KCMF1: variants seen among roughly 807,000 people sequenced by gnomAD.
KCMF1 encodes potassium channel modulatory factor 1, also known as E3 ubiquitin-protein ligase KCMF1.
In KCMF1, 3 loss-of-function variants were observed where a neutral mutation model predicts 41.1. The observed-to-expected ratio is 0.07, with a 90% CI of 0.03 to 0.19. KCMF1 has a LOEUF of 0.19. Ranked by LOEUF, KCMF1 falls within the 10% of genes least tolerant of loss-of-function variation. The pLI, the probability that KCMF1 is intolerant of heterozygous loss-of-function variation, is 1.00. For missense variants in KCMF1, 286 were observed against 488.9 expected (o/e 0.58, Z 3.91); for synonymous variants, 142 against 164.5 (o/e 0.86, Z 1.04).
chr2:85,014,393 A>G (rs1302323123), intron 1 of KCMF1, among the ~76,000 whole-genome samples: 1 of 152,328 alleles, frequency 6.6e-6, no homozygotes, highest in Non-Finnish European at 1.5e-5. Flanking sequence ...GCAACCCTTT[A>G]TCTTAATCAC....
At chr2:85,052,034 T>G (rs889374051) in intron 6 of KCMF1, among the ~76,000 whole-genome samples, 5 of 152,206 alleles carry the variant, frequency 3.3e-5, no homozygotes, top group Non-Finnish European at 7.4e-5. Context: ...CCAAGATAGT[T>G]GACCTTTTAG....
At chr2:85,010,429 ACT>A (rs1674624011) in intron 1 of KCMF1, among the ~76,000 whole-genome samples, 1 of 152,208 alleles carries the variant, frequency 6.6e-6, no homozygotes, top group Admixed American at 6.5e-5. Context: ...AGATTGCCTC[ACT>A]GTACTCCAGC....
At chr2:85,047,035 G>A (rs1293666219) in intron 5 of KCMF1, among the ~76,000 whole-genome samples, 1 of 152,046 alleles carries the variant, frequency 6.6e-6, no homozygotes, top group Non-Finnish European at 1.5e-5. Context: ...AGTATGTATA[G>A]GAAAAAACAT....
intron 1 of KCMF1, among the ~76,000 whole-genome samples, chr2:84,999,728 TG>T (rs1331671154): frequency 2.6e-5 from 4 of 152,212 alleles, no homozygotes; most frequent in Non-Finnish European, 5.9e-5. Flanking sequence ...GAAATAATTT[TG>T]TTTGATGTAG....
In KCMF1 at chr2:85,053,442, G is replaced by C. The variant is rs1398954121; in HGVS notation, c.*33G>C. The stretch of plus-strand genomic sequence containing the variant: ...CCAATTCGCAGACAATGTCCTCTGT[G>C]CTGTATTTGCCAATGAAAGTGGACA... On this transcript the variant is annotated 3_prime_UTR_variant, in exon 7 of 7. Transcript: ENST00000409785. The C allele has an allele frequency of 6.3e-7, 1 of 1,581,672 alleles. No homozygotes were observed. Among genetic ancestry groups the C allele is most frequent in the South Asian group, 1.2e-5 (1 of 85,762 alleles).
At chr2:85,039,577 T>A (rs1168911778) in intron 3 of KCMF1, among the ~76,000 whole-genome samples, 2 of 152,196 alleles carry the variant, frequency 1.3e-5, no homozygotes, top group Non-Finnish European at 2.9e-5. Flanking sequence ...TGTGCTATAA[T>A]GTGTCCTAAC....
At chr2:84,988,100 C>T (rs1160743339) in intron 1 of KCMF1, among the ~76,000 whole-genome samples, 2 of 151,964 alleles carry the variant, frequency 1.3e-5, no homozygotes, top group Admixed American at 6.6e-5. Context: ...GGTGTGATGG[C>T]GCATGCCTGT....
At chr2:85,008,375 G>C (rs28830538) in intron 1 of KCMF1, among the ~76,000 whole-genome samples, 10 of 27,862 alleles carry the variant, frequency 3.6e-4, no homozygotes, top group African/African-American at 7.7e-4. Flanking sequence ...TATATCATAT[G>C]ATATATTATA....
chr2:85,059,276 T>A lies in KCMF1; in HGVS notation c.*5867T>A, dbSNP rs1676009211. On this transcript the variant is annotated 3_prime_UTR_variant, in exon 7 of 7. Transcript: ENST00000409785. ...GCCCTATCGGATAGCAGCCACCATG[T>A]GTGCTGACCACTCACGATTCAGACT... The A allele has an allele frequency of 3.3e-5, 5 of 152,232 alleles. No homozygotes were observed. Among genetic ancestry groups the A allele is most frequent in the Non-Finnish European group, 5.9e-5 (4 of 68,038 alleles). The allele number at this position is 152,232 out of a possible 1,614,324, so 9.4% of individuals were successfully genotyped here. A position where few individuals can be genotyped will look rare whatever the true frequency, so the allele number is the denominator to read the frequency against.
At position 85,055,265 on chromosome 2, in the gene KCMF1, T is replaced by G. The variant is rs1675900893; in HGVS notation, c.*1856T>G. On this transcript the variant is annotated 3_prime_UTR_variant, in exon 7 of 7. Transcript: ENST00000409785. ...CTGTTGACCACTTGAATTTCTTTGG[T>G]GTTAGTGGATTAACCTAACCATTAC... 1 of 152,254 alleles carries G rather than the reference T, an allele frequency of 6.6e-6. No individual in the cohort carries two copies. Among genetic ancestry groups the G allele is most frequent in the Non-Finnish European group, 1.5e-5 (1 of 68,038 alleles). The allele number at this position is 152,254 out of a possible 1,614,324, so 9.4% of individuals were successfully genotyped here. A position where few individuals can be genotyped will look rare whatever the true frequency, so the allele number is the denominator to read the frequency against.
intron 1 of KCMF1, among the ~76,000 whole-genome samples, chr2:84,975,070 A>C (rs1673510993): frequency 6.6e-6 from 1 of 152,074 alleles, no homozygotes. Flanking sequence ...CCACCATTCA[A>C]AAATACAAAT....
At chr2:85,042,537 A>G (rs1319034087) in intron 3 of KCMF1, among the ~76,000 whole-genome samples, 3 of 152,336 alleles carry the variant, frequency 2.0e-5, no homozygotes, top group East Asian at 1.9e-4. Context: ...CACATATCCT[A>G]TCTTTAACCT....
rs1676003113 is a variant in KCMF1, at chr2:85,058,874, G to A, written c.*5465G>A. 6.6e-6 allele frequency: 1 copy of A among 152,194 alleles called. No individual in the cohort carries two copies. Among genetic ancestry groups the A allele is most frequent in the East Asian group, 1.9e-4 (1 of 5,196 alleles). 9.4% of individuals were successfully genotyped at this position (152,194 alleles called of 1,614,324 possible). A position where few individuals can be genotyped will look rare whatever the true frequency, so the allele number is the denominator to read the frequency against. On this transcript the variant is annotated 3_prime_UTR_variant, in exon 7 of 7. Coordinates refer to ENST00000409785, the MANE Select transcript of KCMF1 (RefSeq NM_020122.5). ...AAGAGATCCATATTCATTTAATAGT[G>A]AAGCCAGCCCAGAAGCATCCTCTTC...
chr2:85,024,910 A>G lies in KCMF1; in HGVS notation c.17-2979A>G, dbSNP rs376037199. Among the ~76,000 whole-genome samples, 5 of 152,200 alleles carry G rather than the reference A, an allele frequency of 3.3e-5. No homozygotes were observed. The South Asian group carries it at 6.2e-4, about 19-fold the overall frequency. ...CATCTGTTTCTGGTCTTTCCGTTCT[A>G]TTCCATGGGCCAGTTTGTCTCTACC... On this transcript the variant is annotated intron_variant, in intron 1 of 6. Coordinates refer to ENST00000409785, the MANE Select transcript of KCMF1 (RefSeq NM_020122.5).
At position 85,013,777 on chromosome 2, in the gene KCMF1, G is replaced by A. The variant is rs111432678; in HGVS notation, c.17-14112G>A. ...CACACCACTGTGCTCCAGCCTGGGC[G>A]ACAGAGCGAGACTCTGTCTCAAAAA... On this transcript the variant is annotated intron_variant, in intron 1 of 6. Coordinates refer to ENST00000409785, the MANE Select transcript of KCMF1 (RefSeq NM_020122.5). Among the ~76,000 whole-genome samples the A allele has an allele frequency of 2.4e-3, 345 of 144,364 alleles. 1 individual carries two copies. The highest frequency in any genetic ancestry group is 8.1e-3 in the African/African-American group (313 of 38,670). 94.7% of individuals were successfully genotyped at this position (144,364 alleles called of 152,430 possible). A position where few individuals can be genotyped will look rare whatever the true frequency, so the allele number is the denominator to read the frequency against.
chr2:85,013,871 G>A (rs1278419291), intron 1 of KCMF1: 1 of 152,082 alleles, frequency 6.6e-6, no homozygotes, highest in East Asian at 1.9e-4. Flanking sequence ...GACATTAAAT[G>A]TGTTTCCCCC....
At chr2:84,974,996 C>T (rs1376821540) in intron 1 of KCMF1, among the ~76,000 whole-genome samples, 1 of 151,968 alleles carries the variant, frequency 6.6e-6, no homozygotes, top group African/African-American at 2.4e-5. Context: ...CGTAAGCCAC[C>T]GCACCTGGCC....
At chr2:84,993,166 A>G (rs1334856075) in intron 1 of KCMF1, among the ~76,000 whole-genome samples, 1 of 151,938 alleles carries the variant, frequency 6.6e-6, no homozygotes, top group Non-Finnish European at 1.5e-5. Context: ...CAGCCCAGGC[A>G]ATAGAGTGAG....
chr2:85,036,100 A>G (rs1675396360), intron 3 of KCMF1, among the ~76,000 whole-genome samples: 1 of 152,168 alleles, frequency 6.6e-6, no homozygotes, highest in African/African-American at 2.4e-5. Flanking sequence ...CTATGCATAT[A>G]ATATAGGGTT....
Sources: allele counts gnomAD v4.1 joint callset (sites outside exome capture counted in the v4.1 genomes callset), GRCh38; gene constraint gnomAD v4.1.1; transcripts MANE v1.5; gene names NCBI Gene and HGNC (gene_info 2026-07-23, HGNC 2026-07-21).